The following KERA variants were observed in gnomAD, a reference collection of about 807,000 sequenced individuals.
KERA encodes keratan sulfate proteoglycan keratocan.
KERA carries 25 observed loss-of-function variants against 26.4 expected under a neutral mutation model. That is an observed-to-expected ratio of 0.95 (90% CI 0.69 to 1.32). The LOEUF is 1.32. Among genes scored for constraint, KERA ranks in the 40% most tolerant of loss-of-function variants. The pLI, the probability that KERA is intolerant of heterozygous loss-of-function variation, is 0.00. For synonymous variants in KERA, 167 were observed against 146.1 expected, an observed-to-expected ratio of 1.14 and a Z score of -1.03; for missense variants, 434 against 408.9, an observed-to-expected ratio of 1.06 and a Z score of -0.53.
chr12:91,052,536 C>T (rs762459259), intron 2 of KERA, among the ~76,000 whole-genome samples: 2 of 151,494 alleles, frequency 1.3e-5, no homozygotes, highest in Non-Finnish European at 3.0e-5. Context: ...ATTTTGTAAA[C>T]TGAATTTAAT....
chr12:91,056,349 A>G (rs543283787), intron 1 of KERA, 60 bp from the exon 2 acceptor site: 2 of 1,311,814 alleles, frequency 1.5e-6, no homozygotes, highest in East Asian at 2.3e-5. Context: ...AGATAATTTT[A>G]TACATCAAAA....
chr12:91,054,974 T>C (rs1592647560), intron 2 of KERA, among the ~76,000 whole-genome samples: 1 of 151,228 alleles, frequency 6.6e-6, no homozygotes, highest in South Asian at 2.1e-4. Flanking sequence ...TCAGCTGTCA[T>C]ATAGTGTTTA....
Position 91,055,777 on chromosome 12 carries a change from T to C in KERA, c.505A>G (p.Thr169Ala). Residue 169 changes from threonine to alanine, a missense_variant, in exon 2 of 3, where the codon ACC becomes GCC. By Grantham distance (58) the Thr-to-Ala change is moderately conservative (BLOSUM62 0). Transcript: ENST00000266719. ...TTGTTGTTCTGTAGGTCAAGAAGGG[T>C]CAGGTTCTCCAGATTGCTAAAGGTC... The part of the protein sequence containing the change: ...QGTFSNLENL[T>A]LLDLQNNKLV... 6.2e-7 allele frequency: 1 copy of C among 1,611,380 alleles called. No individual in the cohort carries two copies. Among genetic ancestry groups the C allele is most frequent in the Non-Finnish European group, 8.5e-7 (1 of 1,178,220 alleles).
Position 91,054,970 on chromosome 12 carries a change from G to C in KERA, c.886+426C>G, listed in dbSNP as rs75760547. On this transcript the variant is annotated intron_variant, in intron 2 of 2. Transcript: ENST00000266719. ...ATTAGGAGGGTTTCAGGCATCAGCTGTCATATAGTGTTTAGGACAAAGATG... is the reference window on the plus strand; with the variant it reads ...ATTAGGAGGGTTTCAGGCATCAGCTCTCATATAGTGTTTAGGACAAAGATG... Among the ~76,000 whole-genome samples, 1,429 of 151,296 alleles carry C rather than the reference G, an allele frequency of 9.4e-3. 15 individuals are homozygous for C. The highest frequency in any genetic ancestry group is 0.037 in the South Asian group (178 of 4,826).
chr12:91,055,081 C>T (rs1321254398), intron 2 of KERA, among the ~76,000 whole-genome samples: 1 of 151,028 alleles, frequency 6.6e-6, no homozygotes. Flanking sequence ...AATAAGCCTA[C>T]CCAATGGGGC....
chr12:91,053,067 G>A lies in KERA; in HGVS notation c.887-1549C>T, dbSNP rs191015554. Among the ~76,000 whole-genome samples, 1,236 of 143,830 alleles carry A rather than the reference G, an allele frequency of 8.6e-3. 5 individuals are homozygous for A. The highest frequency in any genetic ancestry group is 0.01 in the Non-Finnish European group (692 of 67,526). 94.4% of individuals were successfully genotyped at this position (143,830 alleles called of 152,430 possible). ...ACAAGTTCACTGTCTCATAAATTTT[G>A]ATGTCTTTTCATAGAGGAGATATGT... On this transcript the variant is annotated intron_variant, in intron 2 of 2. Coordinates refer to ENST00000266719, the MANE Select transcript of KERA (RefSeq NM_007035.4).
In KERA at chr12:91,056,266, A is replaced by G. The variant is rs1432064023; in HGVS notation, c.16T>C (p.Cys6Arg). ...ATGAATAACACCCACATGATGAAAC[A>G]GATTGTGCCTGCCATTATAGCACCT... The part of the protein sequence containing the change: MAGTI[C>R]FIMWVLFITD... The change falls in exon 2 of 3, where the codon TGT becomes CGT. Residue 6 changes from cysteine (C) to arginine (R), a missense_variant. Coordinates refer to ENST00000266719, the MANE Select transcript of KERA (RefSeq NM_007035.4). 1 of 1,609,316 alleles carries G rather than the reference A, an allele frequency of 6.2e-7. No homozygotes were observed. The highest frequency in any genetic ancestry group is 1.3e-5 in the African/African-American group (1 of 74,710).
intron 2 of KERA, 56 bp from the exon 3 acceptor site, chr12:91,051,574 G>C: frequency 7.5e-7 from 1 of 1,332,870 alleles, no homozygotes; most frequent in East Asian, 2.3e-5. Context: ...AACTAACAGT[G>C]GGAAGACCAA....
Position 91,055,604 on chromosome 12 carries a change from T to A in KERA, c.678A>T (p.Glu226Asp). The change falls in exon 2 of 3, where the codon GAA (glutamate) becomes GAT (aspartate). Residue 226 changes from glutamate to aspartate, a missense_variant. Transcript: ENST00000266719. ...MQLFLDNNSI[E>D]GIPENYFNVI... is the part of the protein sequence containing the mutation. ...CATTAAAATAATTTTCTGGTATTCC[T>A]TCAATGGAATTGTTGTCTAAAAACA... The A allele has an allele frequency of 6.2e-7, 1 of 1,611,096 alleles. No individual in the cohort carries two copies. Among genetic ancestry groups the A allele is most frequent in the Non-Finnish European group, 8.5e-7 (1 of 1,178,030 alleles).
intron 2 of KERA, among the ~76,000 whole-genome samples, chr12:91,054,358 C>T (rs533971750): frequency 6.6e-6 from 1 of 151,472 alleles, no homozygotes; most frequent in East Asian, 2.0e-4. Context: ...ACTATCCTGA[C>T]TGAATATTAC....
intron 1 of KERA, 64 bp downstream of exon 1, chr12:91,057,680 G>T (rs1592648955): frequency 6.7e-6 from 1 of 149,730 alleles, no homozygotes; most frequent in African/African-American, 2.5e-5. Flanking sequence ...GTAACCCTGC[G>T]TCTGTTGAAT....
intron 2 of KERA, among the ~76,000 whole-genome samples, chr12:91,054,002 T>C (rs906128362): frequency 6.6e-6 from 1 of 151,392 alleles, no homozygotes; most frequent in Non-Finnish European, 1.5e-5. Flanking sequence ...ATATTGTTGT[T>C]GTTCTATTTG....
Position 91,055,855 on chromosome 12 carries a change from T to C in KERA, c.427A>G (p.Ser143Gly). The part of the protein sequence containing the change: ...LEEVPSPLPR[S>G]LEQLQLARNK... ...CTAGCTAATTGTAATTGTTCTAAAC[T>C]TCTTGGCAATGGAGAAGGTACCTCC... The change falls in exon 2 of 3, where the codon AGT becomes GGT. Residue 143 changes from serine to glycine, a missense_variant. Transcript: ENST00000266719. The C allele has an allele frequency of 6.2e-7, 1 of 1,611,348 alleles. No individual in the cohort carries two copies. Among genetic ancestry groups the C allele is most frequent in the Admixed American group, 1.7e-5 (1 of 59,752 alleles).
chr12:91,052,818 T>C (rs1164756278), intron 2 of KERA, among the ~76,000 whole-genome samples: 1 of 151,414 alleles, frequency 6.6e-6, no homozygotes, highest in Non-Finnish European at 1.5e-5. Flanking sequence ...TCCCTTTCGA[T>C]GTGCAATCCC....
chr12:91,056,959 T>TTCTC (rs376005799), intron 1 of KERA, among the ~76,000 whole-genome samples: 1 of 149,172 alleles, frequency 6.7e-6, no homozygotes, highest in East Asian at 2.0e-4. Flanking sequence ...GAATTATCAA[T>TTCTC]TCTCTCTCTC....
At chr12:91,052,049 T>G (rs1878882024) in intron 2 of KERA, among the ~76,000 whole-genome samples, 1 of 151,546 alleles carries the variant, frequency 6.6e-6, no homozygotes, top group African/African-American at 2.4e-5. Context: ...TAACATGATT[T>G]TAAAAGTACA....
intron 2 of KERA, among the ~76,000 whole-genome samples, chr12:91,053,735 A>G (rs758922907): frequency 6.6e-6 from 1 of 151,324 alleles, no homozygotes; most frequent in Non-Finnish European, 1.5e-5. Context: ...ATGTGGGTCT[A>G]TACTACACAC....
chr12:91,053,946 G>A (rs541797943), intron 2 of KERA, among the ~76,000 whole-genome samples: 6 of 151,438 alleles, frequency 4.0e-5, no homozygotes, highest in African/African-American at 1.4e-4. Context: ...TAATATACCT[G>A]TAGAAGCACA....
Position 91,055,383 on chromosome 12 carries a change from G to C in KERA, c.886+13C>G. The stretch of plus-strand genomic sequence containing the variant: ...AGCCCTTTAGTCAAAGACATACTCT[G>C]CAGGTTACTTACTTTTAATTTTGTT... On this transcript the variant is annotated intron_variant, in intron 2 of 2. Transcript: ENST00000266719. The C allele has an allele frequency of 6.2e-7, 1 of 1,605,902 alleles. No individual in the cohort carries two copies.
Sources: gnomAD v4.1 joint callset for allele counts (sites outside exome capture counted in the v4.1 genomes callset) on GRCh38, gnomAD v4.1.1 for gene constraint, MANE v1.5 for transcripts, NCBI Gene and HGNC (gene_info 2026-07-23, HGNC 2026-07-21) for gene names.